Variants in JUP observed in about 807,000 individuals in gnomAD.
JUP encodes catenin (cadherin-associated protein), gamma 80kDa.
JUP carries 28 observed loss-of-function variants against 71.1 expected under a neutral mutation model. The ratio of observed to expected loss-of-function variants is 0.39; its 90% CI spans 0.29 to 0.54. The LOEUF is 0.54. Among genes scored for constraint, JUP ranks in the 20% least tolerant of loss-of-function variants. The pLI, the probability that JUP is intolerant of heterozygous loss-of-function variation, is 0.62. For missense variants in JUP, 869 were observed against 1,030.1 expected (o/e 0.84, Z 2.14); for synonymous variants, 401 against 438.9 (o/e 0.91, Z 1.08).
chr17:41,767,878 G>A (rs1306339928), intron 4 of JUP, among the ~76,000 whole-genome samples: 1 of 152,210 alleles, frequency 6.6e-6, no homozygotes, highest in African/African-American at 2.4e-5. Context: ...ACCACCATGT[G>A]GAAGGCCACA....
intron 1 of JUP, among the ~76,000 whole-genome samples, chr17:41,774,616 G>A (rs1031858493): frequency 2.6e-5 from 4 of 152,052 alleles, no homozygotes; most frequent in African/African-American, 7.2e-5. Context: ...TTATAGGCTT[G>A]GGCCACTGTG....
At position 41,771,748 on chromosome 17, in the gene JUP, G is replaced by A. The variant is rs1555607036; in HGVS notation, c.107C>T (p.Ser36Phe). ...IHSGANTCVP[S>F]VSSKGIMEED... ...CTCCATGATGCCCTTGCTGCTGACG[G>A]AGGGCACGCAGGTGTTGGCGCCCGA... Residue 36 changes from serine (S) to phenylalanine (F), a missense_variant, in exon 2 of 14, where the codon TCC becomes TTC. By Grantham distance (155) the Ser-to-Phe change is radical. Coordinates refer to ENST00000393931, the MANE Select transcript of JUP (RefSeq NM_002230.4). The A allele has an allele frequency of 3.1e-6, 5 of 1,614,020 alleles. No homozygotes were observed. Among genetic ancestry groups the A allele is most frequent in the Admixed American group, 3.3e-5 (2 of 60,008 alleles).
chr17:41,758,559 G>T (rs190433054), intron 9 of JUP, 41 bp from the exon 10 acceptor site: 1 of 1,596,878 alleles, frequency 6.3e-7, no homozygotes, highest in African/African-American at 1.3e-5. Flanking sequence ...AGGTGCCTTG[G>T]ACATGGCCAC....
Position 41,767,501 on chromosome 17 carries a change from C to A in JUP, c.787G>T (p.Ala263Ser). Residue 263 changes from alanine (A) to serine (S), a missense_variant, in exon 5 of 14, where the codon GCC becomes TCC. Ala to Ser is a moderately conservative substitution (Grantham distance 99). Transcript: ENST00000393931. ...TGCAGCCCGTCGGCCAGGCGCACGG[C>A]CATCTTGGCGCCCTCCTGGTACAGG... ...LLLYQEGAKM[A>S]VRLADGLQKM... 1 of 1,613,998 alleles carries A rather than the reference C, an allele frequency of 6.2e-7. No individual in the cohort carries two copies. Among genetic ancestry groups the A allele is most frequent in the Non-Finnish European group, 8.5e-7 (1 of 1,179,994 alleles).
chr17:41,767,657 C>A, intron 4 of JUP, 77 bp from the exon 5 acceptor site: 2 of 1,239,492 alleles, frequency 1.6e-6, no homozygotes, highest in Non-Finnish European at 2.3e-6. Flanking sequence ...TGGGTTCCCA[C>A]CTCCCCCAGG....
chr17:41,764,742 G>T lies in JUP; in HGVS notation c.1129C>A (p.Arg377Ser), dbSNP rs368564000. 6.9e-5 allele frequency: 111 copies of T among 1,612,968 alleles called. No individual in the cohort carries two copies. Among genetic ancestry groups the T allele is most frequent in the Non-Finnish European group, 9.2e-5 (109 of 1,179,970 alleles). ...RLVQNCLWTL[R>S]NLSDVATKQE... Reference sequence around the variant, plus strand: ...TTGGTGGCCACATCTGAGAGGTTGCGCAGGGTCCACAGGCAGTTCTGCACC... The same window carrying T: ...TTGGTGGCCACATCTGAGAGGTTGCTCAGGGTCCACAGGCAGTTCTGCACC... The change falls in exon 7 of 14, where the codon CGC (arginine) becomes AGC (serine). Residue 377 changes from arginine (R) to serine (S), a missense_variant. Arg to Ser is a moderately radical substitution (Grantham distance 110). Transcript: ENST00000393931.
Position 41,757,472 on chromosome 17 carries a change from G to A in JUP, c.1989C>T (p.Arg663=), listed in dbSNP as rs145175985. The A allele has an allele frequency of 4.1e-5, 66 of 1,614,222 alleles. No individual in the cohort carries two copies. In the African/African-American group the frequency reaches 4.9e-4, roughly 12 times the overall value. The change falls in exon 12 of 14, where the codon CGC becomes CGT. Residue 663 remains arginine (R), a synonymous_variant. Transcript: ENST00000393931. The part of the protein sequence containing the change: ...SEDKNPDYRK[R]VSVELTNSLF... ...GGGAGTTGGTGAGCTCCACGGACAC[G>A]CGCTTCCGGTAGTCTGGGTTCTTGT...
intron 10 of JUP, 167 bp downstream of exon 10, chr17:41,758,232 G>T: frequency 1.4e-6 from 1 of 704,814 alleles, no homozygotes; most frequent in South Asian, 2.3e-5. Context: ...AGAAAGCCAT[G>T]CCCATGCAGG....
chr17:41,755,987 G>T, intron 13 of JUP, 92 bp from the exon 14 acceptor site: 1 of 1,468,948 alleles, frequency 6.8e-7, no homozygotes, highest in Non-Finnish European at 9.1e-7. Flanking sequence ...CTCTACCCAT[G>T]CCCACCCCTG....
At position 41,767,587 on chromosome 17, in the gene JUP, G is replaced by A. The variant is rs397517301; in HGVS notation, c.708-7C>T. 4 of 1,581,924 alleles carry A rather than the reference G, an allele frequency of 2.5e-6. No homozygotes were observed. The highest frequency in any genetic ancestry group is 8.7e-7 in the Non-Finnish European group (1 of 1,153,998). On this transcript the variant is annotated splice_region_variant and splice_polypyrimidine_tract_variant and intron_variant, in intron 4 of 13. Transcript: ENST00000393931. ...GACCGACTCCACAGGGGAGCTGGGGGGGTGGGCAGGGGTTAGTACGCTGAG... is the reference window on the plus strand; with the variant it reads ...GACCGACTCCACAGGGGAGCTGGGGAGGTGGGCAGGGGTTAGTACGCTGAG...
chr17:41,758,738 C>T lies in JUP; in HGVS notation c.1630G>A (p.Ala544Thr). Residue 544 changes from alanine to threonine, a missense_variant, in exon 9 of 14, where the codon GCA becomes ACA. Physicochemically the swap from Ala to Thr is moderately conservative, Grantham distance 58. Coordinates refer to ENST00000393931, the MANE Select transcript of JUP (RefSeq NM_002230.4). ...ACCGTGTAGGGCTGCTGTGTGCCTG[C>T]AGCTACGTGGCGCTGGGCATCCTGG... ...AHQDAQRHVAAGTQQPYTDGV... is the reference protein window; with the variant it reads ...AHQDAQRHVATGTQQPYTDGV... The T allele has an allele frequency of 6.2e-7, 1 of 1,604,112 alleles. No individual in the cohort carries two copies. The highest frequency in any genetic ancestry group is 8.5e-7 in the Non-Finnish European group (1 of 1,175,516).
At chr17:41,757,839 C>G in intron 10 of JUP, 55 bp from the exon 11 acceptor site, 2 of 1,475,306 alleles carry the variant, frequency 1.4e-6, no homozygotes, top group Non-Finnish European at 1.9e-6. Flanking sequence ...TGAGGCAGGC[C>G]GGACAACACA....
rs187552937 is a variant in JUP at position 41,781,166 on chromosome 17, G to A, written c.-9+5422C>T. Among the ~76,000 whole-genome samples the A allele has an allele frequency of 3.6e-3, 527 of 146,248 alleles. 2 individuals carry two copies. Among genetic ancestry groups the A allele is most frequent in the African/African-American group, 0.012 (485 of 39,334 alleles). Reference sequence around the variant, plus strand: ...ACTGCACTCCAGCCTGGGCGACAGAGTGAGTGAGACTCCGTCTCAAAAAAA... The same window carrying A: ...ACTGCACTCCAGCCTGGGCGACAGAATGAGTGAGACTCCGTCTCAAAAAAA... On this transcript the variant is annotated intron_variant, in intron 1 of 13. Coordinates refer to ENST00000393931, the MANE Select transcript of JUP (RefSeq NM_002230.4).
At chr17:41,776,866 C>T (rs561030858) in intron 1 of JUP, among the ~76,000 whole-genome samples, 3 of 152,034 alleles carry the variant, frequency 2.0e-5, no homozygotes, top group African/African-American at 7.2e-5. Flanking sequence ...ATTAGCCAGG[C>T]GTGGTGGTGG....
At chr17:41,758,273 A>G (rs72835658) in intron 10 of JUP, 126 bp downstream of exon 10, 133 of 1,284,058 alleles carry the variant, frequency 1.0e-4, no homozygotes, top group Non-Finnish European at 1.4e-4. Context: ...TGGAGTGGCA[A>G]CTTTCCTCCA....
chr17:41,758,070 C>T (rs1914154576), intron 10 of JUP: 1 of 539,982 alleles, frequency 1.9e-6, no homozygotes, highest in Non-Finnish European at 3.3e-6. Flanking sequence ...GGTACTTGCA[C>T]ATATTCTCCC....
intron 1 of JUP, chr17:41,773,020 C>T: frequency 1.0e-6 from 1 of 983,908 alleles, no homozygotes; most frequent in Non-Finnish European, 1.2e-6. Flanking sequence ...GTTTCAAAGC[C>T]CATGCACTGG....
At chr17:41,784,444 C>T (rs1555611222) in intron 1 of JUP, among the ~76,000 whole-genome samples, 1 of 152,150 alleles carries the variant, frequency 6.6e-6, no homozygotes, top group East Asian at 1.9e-4. Flanking sequence ...TTTCACCAAG[C>T]ACCTCCTAGC....
chr17:41,773,530 C>A (rs985263606), intron 1 of JUP, among the ~76,000 whole-genome samples: 25 of 152,174 alleles, frequency 1.6e-4, no homozygotes, highest in African/African-American at 5.1e-4. Context: ...AGGCTCGGGC[C>A]GCCAGATGTG....
Sources: gnomAD v4.1 joint callset for allele counts (sites outside exome capture counted in the v4.1 genomes callset) on GRCh38, gnomAD v4.1.1 for gene constraint, MANE v1.5 for transcripts, NCBI Gene and HGNC (gene_info 2026-07-23, HGNC 2026-07-21) for gene names.